CHST11: variants seen among roughly 807,000 people sequenced by gnomAD.
CHST11 encodes the protein carbohydrate sulfotransferase 11.
In CHST11, 9 loss-of-function variants were observed where a neutral mutation model predicts 30.4. The ratio of observed to expected loss-of-function variants is 0.30; its 90% CI spans 0.18 to 0.52. The LOEUF (loss-of-function observed/expected upper bound fraction) is 0.52. Ranked by LOEUF, CHST11 falls within the 20% of genes least tolerant of loss-of-function variation. The pLI, the probability that CHST11 is intolerant of heterozygous loss-of-function variation, is 0.97. For missense variants in CHST11, 348 were observed against 460.6 expected, an observed-to-expected ratio of 0.76 and a Z score of 2.24; for synonymous variants, 152 against 187.8, an observed-to-expected ratio of 0.81 and a Z score of 1.56.
intron 1 of CHST11, among the ~76,000 whole-genome samples, chr12:104,546,076 C>A (rs763127873): frequency 6.6e-6 from 1 of 152,160 alleles, no homozygotes; most frequent in East Asian, 1.9e-4. Context: ...TTTCGACACA[C>A]GCATTCAGTC....
At chr12:104,646,286 T>C (rs2039429420) in intron 2 of CHST11, among the ~76,000 whole-genome samples, 1 of 152,194 alleles carries the variant, frequency 6.6e-6, no homozygotes, top group African/African-American at 2.4e-5. Context: ...TTGCTGGCAG[T>C]GTTCCTCCTC....
chr12:104,707,529 A>G (rs557360476), intron 2 of CHST11, among the ~76,000 whole-genome samples: 22 of 152,222 alleles, frequency 1.4e-4, no homozygotes, highest in Non-Finnish European at 2.6e-4. Flanking sequence ...GTGAATGCTA[A>G]GTTTTCTCAG....
chr12:104,661,800 A>C (rs2039601441), intron 2 of CHST11, among the ~76,000 whole-genome samples: 1 of 152,152 alleles, frequency 6.6e-6, no homozygotes, highest in African/African-American at 2.4e-5. Context: ...CAGTTTAACC[A>C]TACCCAGTGA....
chr12:104,568,955 T>C (rs1367735613), intron 1 of CHST11, among the ~76,000 whole-genome samples: 1 of 152,232 alleles, frequency 6.6e-6, no homozygotes, highest in Admixed American at 6.5e-5. Flanking sequence ...TATTAAATAC[T>C]GACTGAATAA....
At chr12:104,625,369 G>C (rs1295567747) in intron 2 of CHST11, among the ~76,000 whole-genome samples, 1 of 152,050 alleles carries the variant, frequency 6.6e-6, no homozygotes, top group Non-Finnish European at 1.5e-5. Context: ...CAATGGCTTG[G>C]TGTCAGGTCA....
chr12:104,538,399 A>G (rs2038257784), intron 1 of CHST11, among the ~76,000 whole-genome samples: 1 of 152,146 alleles, frequency 6.6e-6, no homozygotes, highest in African/African-American at 2.4e-5. Flanking sequence ...ATGAGTTATC[A>G]CTGTTGATGT....
chr12:104,618,373 G>A (rs1036078214), intron 2 of CHST11, among the ~76,000 whole-genome samples: 1 of 151,898 alleles, frequency 6.6e-6, no homozygotes, highest in African/African-American at 2.4e-5. Flanking sequence ...ACAGGCCTGG[G>A]CCACCACACC....
At chr12:104,696,502 A>AAAAAAAAAAAAC (rs2039948071) in intron 2 of CHST11, among the ~76,000 whole-genome samples, 1 of 149,862 alleles carries the variant, frequency 6.7e-6, no homozygotes, top group African/African-American at 2.5e-5. Context: ...AAAAAAAAAA[A>AAAAAAAAAAAAC]AAAAACATAG....
At chr12:104,607,628 G>C (rs2039019326) in intron 2 of CHST11, among the ~76,000 whole-genome samples, 1 of 152,074 alleles carries the variant, frequency 6.6e-6, no homozygotes, top group African/African-American at 2.4e-5. Context: ...ATCACAGAAC[G>C]GGGAACATCA....
intron 2 of CHST11, among the ~76,000 whole-genome samples, chr12:104,680,687 C>G (rs763705407): frequency 1.3e-5 from 2 of 152,166 alleles, no homozygotes; most frequent in Non-Finnish European, 2.9e-5. Context: ...CCTCTCAATC[C>G]CTCCTCCTCT....
intron 1 of CHST11, among the ~76,000 whole-genome samples, chr12:104,567,220 C>T (rs763191996): frequency 3.3e-5 from 5 of 152,114 alleles, no homozygotes; most frequent in Non-Finnish European, 5.9e-5. Context: ...GTCAGATGGG[C>T]CACATCACCT....
At chr12:104,619,710 G>A (rs1387483123) in intron 2 of CHST11, among the ~76,000 whole-genome samples, 1 of 152,218 alleles carries the variant, frequency 6.6e-6, no homozygotes, top group Non-Finnish European at 1.5e-5. Context: ...GAAGAAGGCT[G>A]TTTACACCGA....
chr12:104,698,299 G>A (rs888835000), intron 2 of CHST11, among the ~76,000 whole-genome samples: 2 of 152,028 alleles, frequency 1.3e-5, no homozygotes, highest in African/African-American at 4.8e-5. Context: ...TCACCCACAT[G>A]ACTCCAAGCA....
chr12:104,699,025 T>C (rs894460443), intron 2 of CHST11, among the ~76,000 whole-genome samples: 2 of 152,244 alleles, frequency 1.3e-5, no homozygotes, highest in Non-Finnish European at 2.9e-5. Context: ...GCACAATAAA[T>C]GACTCGGCTG....
At position 104,536,730 on chromosome 12, in the gene CHST11, C is replaced by T. The variant is rs568625145; in HGVS notation, c.119-65176C>T. ...TGTTTATAAAACACTTGGCACAGAG[C>T]GAGGCAGATAGAAGATGGTGGTTAT... On this transcript the variant is annotated intron_variant, in intron 1 of 2. Coordinates refer to ENST00000303694, the MANE Select transcript of CHST11 (RefSeq NM_018413.6). 1.5e-3 allele frequency among the ~76,000 whole-genome samples: 233 copies of T among 152,234 alleles called. 2 individuals carry two copies. The highest frequency in any genetic ancestry group is 2.0e-3 in the Non-Finnish European group (138 of 68,018).
chr12:104,547,285 G>T (rs934926999), intron 1 of CHST11, among the ~76,000 whole-genome samples: 1 of 152,204 alleles, frequency 6.6e-6, no homozygotes, highest in African/African-American at 2.4e-5. Flanking sequence ...TTGCCAAGTG[G>T]ATTGGAGCCC....
chr12:104,570,056 G>T (rs1030592642), intron 1 of CHST11, among the ~76,000 whole-genome samples: 2 of 152,124 alleles, frequency 1.3e-5, no homozygotes, highest in African/African-American at 4.8e-5. Context: ...CCTGGGGTTT[G>T]ATCTCTCTGG....
At chr12:104,696,137 G>C (rs1393383715) in intron 2 of CHST11, among the ~76,000 whole-genome samples, 1 of 152,146 alleles carries the variant, frequency 6.6e-6, no homozygotes. Flanking sequence ...TGTGCAAAGA[G>C]CACAGAAATG....
chr12:104,589,868 G>A (rs1173201197), intron 1 of CHST11, among the ~76,000 whole-genome samples: 1 of 152,032 alleles, frequency 6.6e-6, no homozygotes, highest in African/African-American at 2.4e-5. Context: ...AATTAGCTGG[G>A]CGTGGTGGCA....
Sources: allele counts gnomAD v4.1 joint callset (sites outside exome capture counted in the v4.1 genomes callset), GRCh38; gene constraint gnomAD v4.1.1; transcripts MANE v1.5; gene names NCBI Gene and HGNC (gene_info 2026-07-23, HGNC 2026-07-21).